The following AAK1 variants were observed in gnomAD, a reference collection of about 807,000 sequenced individuals.
The protein encoded by AAK1 is AP2 associated kinase 1.
A neutral mutation model predicts 116.0 loss-of-function variants in AAK1; 37 were observed. That is an observed-to-expected ratio of 0.32 (90% confidence interval 0.25 to 0.42). AAK1 has a LOEUF of 0.42. Ranked by LOEUF, AAK1 falls within the 10% of genes least tolerant of loss-of-function variation. AAK1 has a pLI of 1.00. For synonymous variants in AAK1, 458 were observed against 439.9 expected, an observed-to-expected ratio of 1.04 and a Z score of -0.51; for missense variants, 919 against 1,170.6, an observed-to-expected ratio of 0.79 and a Z score of 3.14.
At chr2:69,565,978 G>T (rs1364455319) in intron 2 of AAK1, among the ~76,000 whole-genome samples, 1 of 151,840 alleles carries the variant, frequency 6.6e-6, no homozygotes, top group African/African-American at 2.4e-5. Context: ...ACACTGTTCA[G>T]GTGGGAGTGT....
Position 69,465,320 on chromosome 2 carries a change from T to C in AAK1, c.*10549A>G, listed in dbSNP as rs1674451247. On this transcript the variant is annotated 3_prime_UTR_variant, in exon 22 of 22. Transcript: ENST00000409085. ...TCTGCTCTGACGCAGGGAATTGAAA[T>C]ATAAGAACTGATAATATTTCTTCTT... The C allele has an allele frequency of 9.5e-7, 1 of 1,057,148 alleles. No homozygotes were observed. The highest frequency in any genetic ancestry group is 1.7e-5 in the African/African-American group (1 of 59,834). The allele number at this position is 1,057,148 out of a possible 1,614,324, so 65.5% of individuals were successfully genotyped here.
chr2:69,544,797 A>G (rs1444398724), intron 3 of AAK1, among the ~76,000 whole-genome samples: 1 of 152,218 alleles, frequency 6.6e-6, no homozygotes, highest in East Asian at 1.9e-4. Context: ...AAATGCACAG[A>G]GTGCCTACTT....
chr2:69,599,169 A>G (rs933506698), intron 2 of AAK1, among the ~76,000 whole-genome samples: 4 of 152,332 alleles, frequency 2.6e-5, no homozygotes, highest in African/African-American at 9.6e-5. Context: ...AATTAAATAT[A>G]AAAGAAGTGG....
At chr2:69,586,881 G>A (rs185945011) in intron 2 of AAK1, among the ~76,000 whole-genome samples, 4 of 152,198 alleles carry the variant, frequency 2.6e-5, no homozygotes, top group East Asian at 1.9e-4. Context: ...TGGGTCGGGC[G>A]GAGGGTAAAA....
intron 2 of AAK1, among the ~76,000 whole-genome samples, chr2:69,632,460 G>A (rs1033442247): frequency 3.9e-5 from 6 of 152,224 alleles, no homozygotes; most frequent in African/African-American, 1.4e-4. Context: ...GAGTTACCCA[G>A]ACCAAAATGT....
rs369569432 is a variant in AAK1 at position 69,475,763 on chromosome 2, C to G, written c.*106G>C. ...GTAGGAGAAAAGGGCTGGAGGGCCC[C>G]TTATTTGCAGATTTTTTTAAAAAAA... On this transcript the variant is annotated 3_prime_UTR_variant, in exon 22 of 22. Coordinates refer to ENST00000409085, the MANE Select transcript of AAK1 (RefSeq NM_014911.5). The G allele has an allele frequency of 1.3e-4, 199 of 1,485,530 alleles. No homozygotes were observed. In the East Asian group the frequency reaches 3.0e-3, roughly 23 times the overall value. The allele number at this position is 1,485,530 out of a possible 1,614,324, so 92.0% of individuals were successfully genotyped here. A position where few individuals can be genotyped will look rare whatever the true frequency, so the allele number is the denominator to read the frequency against.
chr2:69,582,833 T>C (rs572154045), intron 2 of AAK1, among the ~76,000 whole-genome samples: 1 of 152,326 alleles, frequency 6.6e-6, no homozygotes, highest in East Asian at 1.9e-4. Context: ...AGAATGCTGA[T>C]GTCTAGCATC....
chr2:69,527,693 T>C (rs894048461), intron 8 of AAK1, among the ~76,000 whole-genome samples: 5 of 152,226 alleles, frequency 3.3e-5, no homozygotes, highest in Non-Finnish European at 7.3e-5. Context: ...AACGAATGAT[T>C]ATTCTTAATA....
At chr2:69,601,149 T>G (rs1035631375) in intron 2 of AAK1, among the ~76,000 whole-genome samples, 4 of 152,250 alleles carry the variant, frequency 2.6e-5, no homozygotes. Flanking sequence ...TACTGTGATA[T>G]TTGCTTTATT....
chr2:69,564,562 C>T (rs1346127260), intron 2 of AAK1, among the ~76,000 whole-genome samples: 1 of 152,176 alleles, frequency 6.6e-6, no homozygotes, highest in African/African-American at 2.4e-5. Context: ...ACATGCCTAC[C>T]GAAGGTGTAG....
intron 2 of AAK1, among the ~76,000 whole-genome samples, chr2:69,617,262 C>A (rs1024014947): frequency 6.6e-6 from 1 of 152,130 alleles, no homozygotes; most frequent in African/African-American, 2.4e-5. Flanking sequence ...TCAAGGAATT[C>A]AATTATCTCT....
chr2:69,480,757 G>A, intron 19 of AAK1, 103 bp downstream of exon 19: 2 of 909,944 alleles, frequency 2.2e-6, no homozygotes, highest in Non-Finnish European at 3.3e-6. Flanking sequence ...GGAACTACCT[G>A]GGCTTCAAAA....
chr2:69,534,364 C>T (rs960837459), intron 5 of AAK1, among the ~76,000 whole-genome samples: 4 of 152,192 alleles, frequency 2.6e-5, no homozygotes, highest in Admixed American at 2.6e-4. Context: ...ATCCTTACTT[C>T]CAACTATAGT....
chr2:69,616,471 T>C (rs1191857592), intron 2 of AAK1, among the ~76,000 whole-genome samples: 1 of 152,230 alleles, frequency 6.6e-6, no homozygotes, highest in Non-Finnish European at 1.5e-5. Flanking sequence ...AAAACTATTT[T>C]TTTTATGACT....
At chr2:69,563,605 C>T (rs1291017494) in intron 2 of AAK1, among the ~76,000 whole-genome samples, 1 of 152,112 alleles carries the variant, frequency 6.6e-6, no homozygotes, top group Non-Finnish European at 1.5e-5. Context: ...ATGACACAAG[C>T]CAAAAGAGCT....
chr2:69,638,159 T>C (rs79565959), intron 2 of AAK1, among the ~76,000 whole-genome samples: 2,827 of 152,238 alleles, frequency 0.019, 92 homozygotes, highest in African/African-American at 0.062. Flanking sequence ...AGGGATCAAA[T>C]TGGTGTTTGC....
At chr2:69,569,334 T>C (rs765669348) in intron 2 of AAK1, among the ~76,000 whole-genome samples, 1 of 152,214 alleles carries the variant, frequency 6.6e-6, no homozygotes, top group Non-Finnish European at 1.5e-5. Context: ...GCTATACTTC[T>C]TTTATCAGCT....
intron 2 of AAK1, among the ~76,000 whole-genome samples, chr2:69,575,312 G>A (rs906527766): frequency 2.2e-4 from 14 of 63,406 alleles, no homozygotes; most frequent in Non-Finnish European, 4.3e-4. Context: ...TATAAAACCA[G>A]GGCCAGGACT....
chr2:69,630,050 C>T (rs1378741668), intron 2 of AAK1, among the ~76,000 whole-genome samples: 1 of 152,018 alleles, frequency 6.6e-6, no homozygotes, highest in Admixed American at 6.5e-5. Flanking sequence ...AGAACTAAAT[C>T]CACGGTACAA....
Sources: allele counts gnomAD v4.1 joint callset (sites outside exome capture counted in the v4.1 genomes callset), GRCh38; gene constraint gnomAD v4.1.1; transcripts MANE v1.5; gene names NCBI Gene and HGNC (gene_info 2026-07-23, HGNC 2026-07-21).